SGMS1: variants seen among roughly 807,000 people sequenced by gnomAD.
SGMS1 encodes the protein sphingomyelin synthase 1.
In SGMS1, 13 loss-of-function variants were observed where a neutral mutation model predicts 46.2. The observed-to-expected ratio is 0.28, with a 90% CI of 0.18 to 0.45. SGMS1 has a LOEUF of 0.45. Among genes scored for constraint, SGMS1 ranks in the 20% least tolerant of loss-of-function variants. The pLI is 1.00. For missense variants in SGMS1, 324 were observed against 519.9 expected (o/e 0.62, Z 3.66); for synonymous variants, 203 against 187.8 (o/e 1.08, Z -0.66).
intron 6 of SGMS1, among the ~76,000 whole-genome samples, chr10:50,362,969 T>C (rs1420805212): frequency 6.6e-6 from 1 of 152,042 alleles, no homozygotes; most frequent in East Asian, 1.9e-4. Flanking sequence ...TATATAAATA[T>C]AAAGACAACT....
intron 2 of SGMS1, among the ~76,000 whole-genome samples, chr10:50,580,135 A>G (rs1001992291): frequency 2.6e-5 from 4 of 152,172 alleles, no homozygotes; most frequent in Non-Finnish European, 5.9e-5. Context: ...ATTACCCAGC[A>G]CATTTGTGAA....
At chr10:50,333,863 T>C (rs1322253780) in intron 7 of SGMS1, among the ~76,000 whole-genome samples, 1 of 152,224 alleles carries the variant, frequency 6.6e-6, no homozygotes, top group Non-Finnish European at 1.5e-5. Context: ...ACATATACTA[T>C]GTGTTTTTGC....
chr10:50,397,059 CA>C (rs933264398), intron 6 of SGMS1, among the ~76,000 whole-genome samples: 78 of 147,172 alleles, frequency 5.3e-4, no homozygotes, highest in South Asian at 2.6e-3. Context: ...AGATCAAAAG[CA>C]AAAAAAAAAT....
At chr10:50,512,790 A>G (rs932226426) in intron 3 of SGMS1, among the ~76,000 whole-genome samples, 1 of 152,214 alleles carries the variant, frequency 6.6e-6, no homozygotes, top group African/African-American at 2.4e-5. Flanking sequence ...TCCAGCTCAT[A>G]TTTCCAAAAC....
intron 2 of SGMS1, among the ~76,000 whole-genome samples, chr10:50,527,340 G>A (rs1302606949): frequency 1.3e-5 from 2 of 152,166 alleles, no homozygotes; most frequent in Admixed American, 6.5e-5. Context: ...AGCAACATGT[G>A]TGTATGTGTT....
intron 2 of SGMS1, among the ~76,000 whole-genome samples, chr10:50,562,668 C>G (rs971093901): frequency 6.6e-6 from 1 of 152,154 alleles, no homozygotes; most frequent in Non-Finnish European, 1.5e-5. Context: ...CTCAGCCTCC[C>G]GAGTAGCTGG....
At chr10:50,601,106 G>A (rs1838645987) in intron 1 of SGMS1, among the ~76,000 whole-genome samples, 1 of 152,152 alleles carries the variant, frequency 6.6e-6, no homozygotes, top group African/African-American at 2.4e-5. Context: ...AATGAAGAAG[G>A]GCAGAAAATG....
intron 6 of SGMS1, among the ~76,000 whole-genome samples, chr10:50,370,675 C>T (rs1019646782): frequency 2.0e-5 from 3 of 150,244 alleles, no homozygotes; most frequent in South Asian, 2.1e-4. Flanking sequence ...CAGGAGGCAA[C>T]GTTTGCAGTG....
At chr10:50,437,656 A>C (rs1325902621) in intron 5 of SGMS1, among the ~76,000 whole-genome samples, 1 of 152,192 alleles carries the variant, frequency 6.6e-6, no homozygotes, top group Non-Finnish European at 1.5e-5. Context: ...ACTGGGGCAA[A>C]AGAGTAAAAG....
chr10:50,496,164 A>C (rs1385915573), intron 3 of SGMS1, among the ~76,000 whole-genome samples: 1 of 152,216 alleles, frequency 6.6e-6, no homozygotes, highest in Non-Finnish European at 1.5e-5. Flanking sequence ...TAGATGAGGC[A>C]CATGCTGTGC....
At chr10:50,383,707 C>A (rs1411395584) in intron 6 of SGMS1, among the ~76,000 whole-genome samples, 1 of 151,962 alleles carries the variant, frequency 6.6e-6, no homozygotes, top group African/African-American at 2.4e-5. Flanking sequence ...AAATATTGCT[C>A]TATTTACACA....
chr10:50,608,933 T>C (rs1838721230), intron 1 of SGMS1, among the ~76,000 whole-genome samples: 2 of 152,210 alleles, frequency 1.3e-5, no homozygotes, highest in Admixed American at 1.3e-4. Context: ...AGATAATGTA[T>C]AATACATAAT....
At chr10:50,526,285 C>T (rs776407032) in intron 2 of SGMS1, among the ~76,000 whole-genome samples, 2 of 151,970 alleles carry the variant, frequency 1.3e-5, no homozygotes, top group Non-Finnish European at 2.9e-5. Context: ...AGGGGGTGGT[C>T]GGTGGGGGAA....
chr10:50,599,277 T>C (rs969443793), intron 1 of SGMS1, among the ~76,000 whole-genome samples: 1 of 152,238 alleles, frequency 6.6e-6, no homozygotes, highest in African/African-American at 2.4e-5. Flanking sequence ...TCTGCATATC[T>C]TGGTTGTGTC....
chr10:50,345,878 C>T (rs912607387), intron 6 of SGMS1, among the ~76,000 whole-genome samples: 3 of 152,200 alleles, frequency 2.0e-5, no homozygotes, highest in African/African-American at 7.2e-5. Flanking sequence ...AGAAATATAT[C>T]ACATATTAAC....
At chr10:50,429,694 T>TACACAC (rs71471389) in intron 6 of SGMS1, among the ~76,000 whole-genome samples, 3 of 83,308 alleles carry the variant, frequency 3.6e-5, no homozygotes, top group African/African-American at 1.4e-4. Flanking sequence ...TTTCTACACA[T>TACACAC]ACACACACAC....
intron 2 of SGMS1, among the ~76,000 whole-genome samples, chr10:50,554,271 G>A (rs1487442998): frequency 6.6e-6 from 1 of 152,130 alleles, no homozygotes; most frequent in Non-Finnish European, 1.5e-5. Flanking sequence ...CTCATTGTCA[G>A]TAAATACACA....
chr10:50,537,553 C>T (rs1838013533), intron 2 of SGMS1, among the ~76,000 whole-genome samples: 1 of 151,800 alleles, frequency 6.6e-6, no homozygotes, highest in Non-Finnish European at 1.5e-5. Context: ...GTGTGCTGCA[C>T]CCATTAACTC....
intron 6 of SGMS1, among the ~76,000 whole-genome samples, chr10:50,384,857 G>T (rs1848659491): frequency 6.6e-6 from 1 of 152,144 alleles, no homozygotes; most frequent in African/African-American, 2.4e-5. Flanking sequence ...CTTAGATGAG[G>T]ATAGTACAAT....
Sources: gnomAD v4.1 joint callset for allele counts (sites outside exome capture counted in the v4.1 genomes callset) on GRCh38, gnomAD v4.1.1 for gene constraint, MANE v1.5 for transcripts, NCBI Gene and HGNC (gene_info 2026-07-23, HGNC 2026-07-21) for gene names.